Variants in SPOCK3 observed in about 807,000 individuals in gnomAD.
SPOCK3 encodes testican-3.
Under a neutral mutation model 56.6 loss-of-function variants are expected in SPOCK3, and 30 were observed. The ratio of observed to expected loss-of-function variants is 0.53; its 90% confidence interval spans 0.40 to 0.72. SPOCK3 has a LOEUF of 0.72. SPOCK3 is among the 30% of genes least tolerant of loss of function. SPOCK3 has a pLI of 0.00. For synonymous variants in SPOCK3, 196 were observed against 183.3 expected, an observed-to-expected ratio of 1.07 and a Z score of -0.56; for missense variants, 527 against 530.0, an observed-to-expected ratio of 0.99 and a Z score of 0.06.
At chr4:167,053,627 A>G (rs1754455146) in intron 3 of SPOCK3, among the ~76,000 whole-genome samples, 2 of 152,030 alleles carry the variant, frequency 1.3e-5, no homozygotes, top group African/African-American at 2.4e-5. Context: ...AGAGGTTGCA[A>G]TGAGCCGAGA....
At chr4:166,832,875 G>T (rs2126800595) in intron 6 of SPOCK3, among the ~76,000 whole-genome samples, 1 of 152,216 alleles carries the variant, frequency 6.6e-6, no homozygotes, top group African/African-American at 2.4e-5. Context: ...CATAAAGATG[G>T]CAACAATAAA....
intron 3 of SPOCK3, among the ~76,000 whole-genome samples, chr4:167,020,800 C>CA (rs151215053): frequency 4.0e-4 from 61 of 151,488 alleles, no homozygotes; most frequent in East Asian, 9.7e-4. Flanking sequence ...CTTCCCATTA[C>CA]AAAAAAAAGA....
In SPOCK3 at chr4:166,941,876, A is replaced by G. The variant is rs188738528; in HGVS notation, c.351-29133T>C. Among the ~76,000 whole-genome samples, 714 of 152,240 alleles carry G rather than the reference A, an allele frequency of 4.7e-3. 15 individuals carry two copies. The highest frequency in any genetic ancestry group is 0.042 in the Admixed American group (648 of 15,292). The stretch of plus-strand genomic sequence containing the variant: ...TCATTCAGCCCCAGGCAGTCTTGAA[A>G]TGACTCCAGCCTAGCCAAAGCTTGA... On this transcript the variant is annotated intron_variant, in intron 4 of 10. Coordinates refer to ENST00000357545, the MANE Select transcript of SPOCK3 (RefSeq NM_001040159.2).
At chr4:166,739,267 G>A (rs375831386) in intron 9 of SPOCK3, among the ~76,000 whole-genome samples, 14 of 152,120 alleles carry the variant, frequency 9.2e-5, no homozygotes, top group Admixed American at 3.9e-4. Context: ...TTGAGACAGA[G>A]TCTCACTCCA....
intron 6 of SPOCK3, among the ~76,000 whole-genome samples, chr4:166,862,569 C>T (rs1377279828): frequency 6.6e-6 from 1 of 151,948 alleles, no homozygotes; most frequent in Non-Finnish European, 1.5e-5. Context: ...AAATATTTGT[C>T]ATGTTTGTTA....
At chr4:167,223,311 TA>T (rs1483045559) in intron 2 of SPOCK3, among the ~76,000 whole-genome samples, 1 of 144,394 alleles carries the variant, frequency 6.9e-6, no homozygotes, top group Non-Finnish European at 1.5e-5. Flanking sequence ...TAAATATGAA[TA>T]ATCATATATA....
chr4:166,775,251 C>G (rs543390722), intron 7 of SPOCK3, among the ~76,000 whole-genome samples: 10 of 152,210 alleles, frequency 6.6e-5, no homozygotes, highest in African/African-American at 2.4e-4. Context: ...GTGACGGGGT[C>G]AGAGCATGAG....
chr4:167,003,379 A>G (rs1749141437), intron 3 of SPOCK3, among the ~76,000 whole-genome samples: 1 of 152,232 alleles, frequency 6.6e-6, no homozygotes, highest in African/African-American at 2.4e-5. Context: ...TGAGATTTTA[A>G]CCATCTGTAT....
intron 4 of SPOCK3, among the ~76,000 whole-genome samples, chr4:166,998,886 A>C (rs1748666748): frequency 6.6e-6 from 1 of 152,104 alleles, no homozygotes; most frequent in Non-Finnish European, 1.5e-5. Flanking sequence ...ATATACACAC[A>C]TTCACATACT....
chr4:167,152,624 T>C (rs1488149949), intron 2 of SPOCK3, among the ~76,000 whole-genome samples: 1 of 152,190 alleles, frequency 6.6e-6, no homozygotes, highest in Admixed American at 6.5e-5. Context: ...ATAATCACTG[T>C]GCACTTAAAT....
chr4:167,146,068 C>T (rs1340775786), intron 2 of SPOCK3, among the ~76,000 whole-genome samples: 3 of 152,024 alleles, frequency 2.0e-5, no homozygotes, highest in Non-Finnish European at 2.9e-5. Flanking sequence ...GGAGACCCAT[C>T]TCATGTGCAA....
At chr4:166,901,332 A>G (rs958034979) in intron 5 of SPOCK3, among the ~76,000 whole-genome samples, 14 of 152,166 alleles carry the variant, frequency 9.2e-5, no homozygotes, top group Admixed American at 5.2e-4. Flanking sequence ...CTGGAGAGCC[A>G]TATTTGATGC....
chr4:166,835,276 CA>C (rs1560909497), intron 6 of SPOCK3, among the ~76,000 whole-genome samples: 1 of 152,026 alleles, frequency 6.6e-6, no homozygotes, highest in Admixed American at 6.6e-5. Context: ...TTATAATGTT[CA>C]AAAAACTTTT....
chr4:166,753,267 G>A (rs1397489638), intron 8 of SPOCK3, among the ~76,000 whole-genome samples: 3 of 151,892 alleles, frequency 2.0e-5, no homozygotes, highest in Non-Finnish European at 4.4e-5. Flanking sequence ...TATTTTTCTG[G>A]CAGTTTAGCT....
intron 2 of SPOCK3, among the ~76,000 whole-genome samples, chr4:167,072,805 C>A (rs1004626984): frequency 1.3e-5 from 2 of 151,682 alleles, no homozygotes; most frequent in African/African-American, 4.8e-5. Context: ...TTATAAAAAG[C>A]TTTATGATGT....
intron 8 of SPOCK3, among the ~76,000 whole-genome samples, chr4:166,743,414 A>C (rs1735132621): frequency 6.6e-6 from 1 of 151,416 alleles, no homozygotes; most frequent in Admixed American, 6.7e-5. Flanking sequence ...ATTGTAGTTT[A>C]ATATGTGAAC....
chr4:167,056,318 A>C (rs551288381), intron 3 of SPOCK3, among the ~76,000 whole-genome samples: 47 of 152,316 alleles, frequency 3.1e-4, no homozygotes, highest in African/African-American at 1.1e-3. Context: ...AAAGTAGATA[A>C]AACCACAAAG....
At chr4:167,071,848 AG>A (rs1316929687) in intron 2 of SPOCK3, among the ~76,000 whole-genome samples, 4 of 152,042 alleles carry the variant, frequency 2.6e-5, no homozygotes, top group African/African-American at 4.8e-5. Context: ...AACAGTGTAA[AG>A]GGGTTCCTAT....
intron 2 of SPOCK3, among the ~76,000 whole-genome samples, chr4:167,160,278 A>G (rs939004836): frequency 2.6e-5 from 4 of 152,152 alleles, no homozygotes; most frequent in Admixed American, 6.6e-5. Context: ...CCATGAGTGA[A>G]CTCCCATTCA....
Sources: allele counts gnomAD v4.1 joint callset (sites outside exome capture counted in the v4.1 genomes callset), GRCh38; gene constraint gnomAD v4.1.1; transcripts MANE v1.5; gene names NCBI Gene and HGNC (gene_info 2026-07-23, HGNC 2026-07-21).